Variants in JRK observed in about 807,000 individuals in gnomAD.
The protein encoded by JRK is Jrk helix-turn-helix protein, also known as jerky protein homolog.
For missense variants in JRK, 720 were observed against 509.2 expected (o/e 1.41, Z -3.98); for synonymous variants, 303 against 218.1 (o/e 1.39, Z -3.43).
intron 1 of JRK, among the ~76,000 whole-genome samples, chr8:142,667,750 C>T (rs1171371594): frequency 6.6e-6 from 1 of 152,210 alleles, no homozygotes; most frequent in Non-Finnish European, 1.5e-5. Context: ...TCTAACCAAA[C>T]ACATCTTTCT....
In JRK at chr8:142,665,085, G is replaced by A. The variant is rs587739796; in HGVS notation, c.974C>T (p.Ala325Val). The A allele has an allele frequency of 1.4e-6, 1 of 717,926 alleles. No individual in the cohort carries two copies. Among genetic ancestry groups the A allele is most frequent in the South Asian group, 1.5e-5 (1 of 67,604 alleles). The allele number at this position is 717,926 out of a possible 1,614,324, so 44.5% of individuals were successfully genotyped here. A position where few individuals can be genotyped will look rare whatever the true frequency, so the allele number is the denominator to read the frequency against. The change falls in exon 2 of 2, where the codon GCC becomes GTC. Residue 325 changes from alanine (A) to valine (V), a missense_variant. Coordinates refer to ENST00000612905, the MANE Select transcript of JRK (RefSeq NM_003724.4). Reference sequence around the variant, plus strand: ...CTGCTCCATGGGCTGCACCAATGAGGCCACGCTGGCAGGCAGGAAGATGGT... The same window carrying A: ...CTGCTCCATGGGCTGCACCAATGAGACCACGCTGGCAGGCAGGAAGATGGT... Reference protein sequence around the residue: ...VFTIFLPASVASLVQPMEQGI... With the variant: ...VFTIFLPASVVSLVQPMEQGI...
rs1385237789 is a variant in JRK at position 142,662,529 on chromosome 8, TG to T, written c.*1822del. On this transcript the variant is annotated 3_prime_UTR_variant, in exon 2 of 2. Transcript: ENST00000612905. ...AGTGCGGGTGACACCACAAAGACAA[TG>T]GGACACAAATGGGAACTGGGACTGT... The T allele has an allele frequency of 3.0e-6, 3 of 985,256 alleles. No individual in the cohort carries two copies. Among genetic ancestry groups the T allele is most frequent in the Non-Finnish European group, 2.4e-6 (2 of 829,904 alleles). 61.0% of individuals were successfully genotyped at this position (985,256 alleles called of 1,614,324 possible). A position where few individuals can be genotyped will look rare whatever the true frequency, so the allele number is the denominator to read the frequency against.
the JRK span, among the ~76,000 whole-genome samples, chr8:142,647,763 A>C: frequency 2.6e-5 from 4 of 152,240 alleles, no homozygotes; most frequent in Admixed American, 6.5e-5. Flanking sequence ...GACACTGCTG[A>C]AAAGATACCT....
At position 142,662,979 on chromosome 8, in the gene JRK, G is replaced by C. The variant is rs1554634801; in HGVS notation, c.*1373C>G. ...GTTCAAGACCAGCCTGGGCAACACAGTGAGACCCTGTCTCTACAAAAAAAA... is the reference window on the plus strand; with the variant it reads ...GTTCAAGACCAGCCTGGGCAACACACTGAGACCCTGTCTCTACAAAAAAAA... On this transcript the variant is annotated 3_prime_UTR_variant, in exon 2 of 2. Transcript: ENST00000612905. 3 of 607,270 alleles carry C rather than the reference G, an allele frequency of 4.9e-6. No individual in the cohort carries two copies. Among genetic ancestry groups the C allele is most frequent in the Non-Finnish European group, 6.2e-6 (3 of 485,862 alleles). 37.6% of individuals were successfully genotyped at this position (607,270 alleles called of 1,614,324 possible). A position where few individuals can be genotyped will look rare whatever the true frequency, so the allele number is the denominator to read the frequency against.
rs1554635050 is a variant in JRK, at chr8:142,664,269, A to G, written c.*83T>C. 1.4e-6 allele frequency: 2 copies of G among 1,455,884 alleles called. No homozygotes were observed. Among genetic ancestry groups the G allele is most frequent in the East Asian group, 4.9e-5 (2 of 40,746 alleles). 90.2% of individuals were successfully genotyped at this position (1,455,884 alleles called of 1,614,324 possible). On this transcript the variant is annotated 3_prime_UTR_variant, in exon 2 of 2. Coordinates refer to ENST00000612905, the MANE Select transcript of JRK (RefSeq NM_003724.4). Reference sequence around the variant, plus strand: ...GTGTCTGCACATGCCCTCCTGCCTCAGGTGGGGTCGGGGCACAGGACCATG... The same window carrying G: ...GTGTCTGCACATGCCCTCCTGCCTCGGGTGGGGTCGGGGCACAGGACCATG...
chr8:142,649,819 CCA>C, the JRK span, among the ~76,000 whole-genome samples: 1 of 152,228 alleles, frequency 6.6e-6, no homozygotes, highest in South Asian at 2.1e-4. Flanking sequence ...GTGGGAGCCC[CCA>C]CACACAGTCC....
In JRK at chr8:142,665,254, C is replaced by T. The variant is rs966250348; in HGVS notation, c.805G>A (p.Asp269Asn). The T allele has an allele frequency of 1.3e-5, 9 of 717,770 alleles. No individual in the cohort carries two copies. The highest frequency in any genetic ancestry group is 2.3e-4 in the Middle Eastern group (1 of 4,394). 44.5% of individuals were successfully genotyped at this position (717,770 alleles called of 1,614,324 possible). A position where few individuals can be genotyped will look rare whatever the true frequency, so the allele number is the denominator to read the frequency against. The change falls in exon 2 of 2, where the codon GAT becomes AAT. Residue 269 changes from aspartate (D) to asparagine (N), a missense_variant. By Grantham distance (23) the Asp-to-Asn change is conservative. Transcript: ENST00000612905. ...GGCACAAAGATATGATGGAACCAAT[C>T]GGAAAAAATCTCCTTGTCCACCCAG... Reference protein sequence around the residue: ...NAWVDKEIFSDWFHHIFVPSV... With the variant: ...NAWVDKEIFSNWFHHIFVPSV...
In JRK at chr8:142,660,321, C is replaced by G. The variant is rs1358301473; in HGVS notation, c.*4031G>C. 4.1e-6 allele frequency: 4 copies of G among 985,656 alleles called. No homozygotes were observed. The highest frequency in any genetic ancestry group is 4.8e-6 in the Non-Finnish European group (4 of 830,130). The allele number at this position is 985,656 out of a possible 1,614,324, so 61.1% of individuals were successfully genotyped here. ...CCCTCACGGCTGCCACACCCACCAGCCCATGACTGTCCACATCCTGACCCC... is the reference window on the plus strand; with the variant it reads ...CCCTCACGGCTGCCACACCCACCAGGCCATGACTGTCCACATCCTGACCCC... On this transcript the variant is annotated 3_prime_UTR_variant, in exon 2 of 2. Coordinates refer to ENST00000612905, the MANE Select transcript of JRK (RefSeq NM_003724.4).
At chr8:142,648,121 G>A in the JRK span, among the ~76,000 whole-genome samples, 1 of 152,354 alleles carries the variant, frequency 6.6e-6, no homozygotes, top group East Asian at 1.9e-4. Context: ...AAGCATTCAA[G>A]AGGTGACTTG....
chr8:142,652,533 A>T (rs1846684938), downstream of JRK, among the ~76,000 whole-genome samples: 2 of 152,024 alleles, frequency 1.3e-5, no homozygotes, highest in South Asian at 4.2e-4. Flanking sequence ...CAAAGAAGGG[A>T]ATCAGATATA....
chr8:142,660,761 GGT>G lies in JRK; in HGVS notation c.*3589_*3590del. On this transcript the variant is annotated 3_prime_UTR_variant, in exon 2 of 2. Transcript: ENST00000612905. ...AGGTCCCTGAGGTGCAGTGTGGACGGGTCTTGATTTGTCCCAAGTTGTCGCTG... is the reference window on the plus strand; with the variant it reads ...AGGTCCCTGAGGTGCAGTGTGGACGGCTTGATTTGTCCCAAGTTGTCGCTG... 3.0e-6 allele frequency: 3 copies of G among 985,424 alleles called. No homozygotes were observed. The highest frequency in any genetic ancestry group is 3.6e-6 in the Non-Finnish European group (3 of 829,984). The allele number at this position is 985,424 out of a possible 1,614,324, so 61.0% of individuals were successfully genotyped here.
the JRK span, among the ~76,000 whole-genome samples, chr8:142,649,382 G>A: frequency 6.6e-6 from 1 of 152,144 alleles, no homozygotes; most frequent in African/African-American, 2.4e-5. Flanking sequence ...TGTATCATGG[G>A]GGAAAGTCTT....
At chr8:142,645,506 C>T in the JRK span, among the ~76,000 whole-genome samples, 1 of 152,004 alleles carries the variant, frequency 6.6e-6, no homozygotes, top group South Asian at 2.1e-4. Flanking sequence ...AGTGAAACCC[C>T]GTCTCTACTA....
chr8:142,662,702 G>A lies in JRK; in HGVS notation c.*1650C>T, dbSNP rs1846954360. 8 of 985,318 alleles carry A rather than the reference G, an allele frequency of 8.1e-6. No homozygotes were observed. Among genetic ancestry groups the A allele is most frequent in the Non-Finnish European group, 9.6e-6 (8 of 829,950 alleles). 61.0% of individuals were successfully genotyped at this position (985,318 alleles called of 1,614,324 possible). On this transcript the variant is annotated 3_prime_UTR_variant, in exon 2 of 2. Coordinates refer to ENST00000612905, the MANE Select transcript of JRK (RefSeq NM_003724.4). Reference sequence around the variant, plus strand: ...TGTATCTACAGAGATGTGAAAGTACGAGAAACCACAGCGAGCCAAATCCTC... The same window carrying A: ...TGTATCTACAGAGATGTGAAAGTACAAGAAACCACAGCGAGCCAAATCCTC...
At chr8:142,647,790 C>G in the JRK span, among the ~76,000 whole-genome samples, 1 of 152,196 alleles carries the variant, frequency 6.6e-6, no homozygotes, top group African/African-American at 2.4e-5. Flanking sequence ...GTGGAAGCAA[C>G]TTTGGACTGC....
At chr8:142,669,724 C>T (rs1847264673) in intron 1 of JRK, among the ~76,000 whole-genome samples, 1 of 150,414 alleles carries the variant, frequency 6.6e-6, no homozygotes, top group African/African-American at 2.4e-5. Flanking sequence ...GCTTCGGGTT[C>T]CGAGCGCGGC....
chr8:142,654,695 G>A (rs1361169192), downstream of JRK, among the ~76,000 whole-genome samples: 1 of 151,928 alleles, frequency 6.6e-6, no homozygotes, highest in Admixed American at 6.5e-5. Flanking sequence ...AGCCAGTGCA[G>A]GTGCCACCTG....
Position 142,664,823 on chromosome 8 carries a change from G to C in JRK, c.1236C>G (p.Asn412Lys), listed in dbSNP as rs782807918. The C allele has an allele frequency of 9.2e-5, 147 of 1,597,034 alleles. No individual in the cohort carries two copies. The highest frequency in any genetic ancestry group is 1.2e-4 in the Non-Finnish European group (144 of 1,170,082). Residue 412 changes from asparagine (N) to lysine (K), a missense_variant, in exon 2 of 2, where the codon AAC becomes AAG. Coordinates refer to ENST00000612905, the MANE Select transcript of JRK (RefSeq NM_003724.4). ...EAECFPVKPH[N>K]KSFAHILELV... is the part of the protein sequence containing the mutation. The stretch of plus-strand genomic sequence containing the variant: ...GCTCCAGGATGTGTGCAAAGGACTT[G>C]TTGTGGGGCTTCACTGGGAAGCACT...
In JRK at chr8:142,664,624, G is replaced by C. The variant is rs782213696; in HGVS notation, c.1435C>G (p.Pro479Ala). 1 of 1,610,926 alleles carries C rather than the reference G, an allele frequency of 6.2e-7. No homozygotes were observed. Among genetic ancestry groups the C allele is most frequent in the Non-Finnish European group, 8.5e-7 (1 of 1,179,316 alleles). The change falls in exon 2 of 2, where the codon CCT becomes GCT. Residue 479 changes from proline (P) to alanine (A), a missense_variant. Transcript: ENST00000612905. ...CAGGCCACCTCCTCGCCCTCACCAGGATCTCCTCTGCCGTCCTGGTCAGCT... is the reference window on the plus strand; with the variant it reads ...CAGGCCACCTCCTCGCCCTCACCAGCATCTCCTCTGCCGTCCTGGTCAGCT... ...PKADQDGRGD[P>A]GEGEEVAWEQ...
Sources: gnomAD v4.1 joint callset for allele counts (sites outside exome capture counted in the v4.1 genomes callset) on GRCh38, gnomAD v4.1.1 for gene constraint, MANE v1.5 for transcripts, NCBI Gene and HGNC (gene_info 2026-07-23, HGNC 2026-07-21) for gene names.